Variants in ADGRL3 observed in about 807,000 individuals in gnomAD.
The protein encoded by ADGRL3 is adhesion G protein-coupled receptor L3, also known as calcium-independent alpha-latrotoxin receptor 3.
A neutral mutation model predicts 153.5 loss-of-function variants in ADGRL3; 62 were observed. The observed-to-expected ratio is 0.40, with a 90% CI of 0.33 to 0.50. The LOEUF (loss-of-function observed/expected upper bound fraction) is 0.50, where lower values mean the gene tolerates loss of function less well. ADGRL3 is among the 20% of genes least tolerant of loss of function. ADGRL3 has a pLI of 0.47. For missense variants in ADGRL3, 1,641 were observed against 1,859.4 expected (o/e 0.88, Z 2.16); for synonymous variants, 710 against 672.5 (o/e 1.06, Z -0.86).
rs1270099708 is a variant in ADGRL3 at position 62,075,582 on chromosome 4, T to C, written c.*4674T>C. On this transcript the variant is annotated 3_prime_UTR_variant, in exon 27 of 27. Transcript: ENST00000683033. ...AGGTGTTAAAATTTAATTAGTTCATTTTTAGTAATTCATAATTTTAACTTA... is the reference window on the plus strand; with the variant it reads ...AGGTGTTAAAATTTAATTAGTTCATCTTTAGTAATTCATAATTTTAACTTA... The C allele has an allele frequency of 6.6e-6, 1 of 152,178 alleles. No homozygotes were observed. Among genetic ancestry groups the C allele is most frequent in the African/African-American group, 2.4e-5 (1 of 41,444 alleles). The allele number at this position is 152,178 out of a possible 1,614,324, so 9.4% of individuals were successfully genotyped here. A position where few individuals can be genotyped will look rare whatever the true frequency, so the allele number is the denominator to read the frequency against.
intron 6 of ADGRL3, among the ~76,000 whole-genome samples, chr4:61,704,380 A>G (rs1044051029): frequency 6.6e-6 from 1 of 152,228 alleles, no homozygotes; most frequent in Admixed American, 6.5e-5. Flanking sequence ...TAATGTTTAT[A>G]CTATACTGTA....
At chr4:61,581,653 A>T (rs1212794030) in intron 4 of ADGRL3, among the ~76,000 whole-genome samples, 1 of 152,016 alleles carries the variant, frequency 6.6e-6, no homozygotes, top group Non-Finnish European at 1.5e-5. Context: ...GTGATTTTTA[A>T]GCACTACCTT....
intron 1 of ADGRL3, among the ~76,000 whole-genome samples, chr4:61,285,505 G>T (rs536117193): frequency 1.8e-4 from 27 of 151,688 alleles, no homozygotes; most frequent in African/African-American, 6.5e-4. Flanking sequence ...TATTTTTTTA[G>T]CAGTGTTGCC....
At chr4:61,812,982 T>C (rs1038725285) in intron 8 of ADGRL3, among the ~76,000 whole-genome samples, 6 of 152,222 alleles carry the variant, frequency 3.9e-5, no homozygotes, top group Middle Eastern at 3.2e-3. Context: ...TTAATCATAA[T>C]TGTAAAGTGA....
chr4:61,834,110 C>T (rs547662586), intron 9 of ADGRL3, among the ~76,000 whole-genome samples: 1 of 146,770 alleles, frequency 6.8e-6, no homozygotes, highest in South Asian at 2.3e-4. Flanking sequence ...CCCCCTCCCC[C>T]CTTCCCCCAC....
chr4:61,483,966 T>C (rs905459757), intron 2 of ADGRL3, among the ~76,000 whole-genome samples: 40 of 151,806 alleles, frequency 2.6e-4, no homozygotes, highest in Non-Finnish European at 2.4e-4. Flanking sequence ...ACTTATAATA[T>C]ATTCTGCTCA....
intron 25 of ADGRL3, among the ~76,000 whole-genome samples, chr4:62,057,421 T>G (rs1337830865): frequency 6.6e-6 from 1 of 152,182 alleles, no homozygotes; most frequent in Admixed American, 6.6e-5. Flanking sequence ...AATTTTTGTA[T>G]CAGTCTAGAT....
At chr4:61,541,346 ATTTTTT>A (rs3075146) in intron 4 of ADGRL3, among the ~76,000 whole-genome samples, 9 of 103,338 alleles carry the variant, frequency 8.7e-5, no homozygotes, top group South Asian at 3.7e-4. Context: ...TCTGGTAGAG[ATTTTTT>A]TTTTTTTTTT....
intron 21 of ADGRL3, among the ~76,000 whole-genome samples, chr4:62,012,784 T>C (rs549828014): frequency 6.6e-6 from 1 of 152,318 alleles, no homozygotes; most frequent in African/African-American, 2.4e-5. Flanking sequence ...GATTATGAAC[T>C]ATAAAATCTG....
intron 1 of ADGRL3, among the ~76,000 whole-genome samples, chr4:61,323,576 A>G (rs1001510224): frequency 1.3e-5 from 2 of 152,136 alleles, no homozygotes; most frequent in African/African-American, 4.8e-5. Context: ...ACAAATCTCT[A>G]GGGCAGGGGC....
chr4:61,275,553 A>G (rs2093420283), intron 1 of ADGRL3, among the ~76,000 whole-genome samples: 1 of 152,114 alleles, frequency 6.6e-6, no homozygotes, highest in South Asian at 2.1e-4. Flanking sequence ...GAAATCTCAG[A>G]GTGTCCTGCA....
intron 11 of ADGRL3, among the ~76,000 whole-genome samples, chr4:61,897,110 C>T (rs1361340159): frequency 6.6e-6 from 1 of 152,114 alleles, no homozygotes; most frequent in African/African-American, 2.4e-5. Flanking sequence ...AATCTTAGGA[C>T]AAAAGATAAT....
chr4:61,273,617 C>G (rs1036051784), intron 1 of ADGRL3, among the ~76,000 whole-genome samples: 16 of 152,158 alleles, frequency 1.1e-4, no homozygotes, highest in Admixed American at 2.0e-4. Flanking sequence ...TTTACAAGTG[C>G]TACAGTAAAA....
intron 4 of ADGRL3, among the ~76,000 whole-genome samples, chr4:61,556,345 A>T (rs1406925518): frequency 6.6e-6 from 1 of 152,096 alleles, no homozygotes; most frequent in African/African-American, 2.4e-5. Context: ...AACAAGGAGT[A>T]CAAAAGGCTG....
At chr4:61,263,948 C>T (rs1187468117) in intron 1 of ADGRL3, among the ~76,000 whole-genome samples, 3 of 149,924 alleles carry the variant, frequency 2.0e-5, no homozygotes, top group African/African-American at 4.9e-5. Context: ...TTTGTAATAA[C>T]GGGAAATTAT....
chr4:61,533,942 T>C (rs1579382085), intron 4 of ADGRL3, among the ~76,000 whole-genome samples: 1 of 152,156 alleles, frequency 6.6e-6, no homozygotes, highest in South Asian at 2.1e-4. Context: ...AGGTTTGTTA[T>C]ATGGGTATAT....
intron 1 of ADGRL3, among the ~76,000 whole-genome samples, chr4:61,286,843 A>G (rs2093959545): frequency 6.6e-6 from 1 of 151,794 alleles, no homozygotes; most frequent in Admixed American, 6.6e-5. Context: ...TTCTTTAATA[A>G]TTACAAAATC....
intron 11 of ADGRL3, among the ~76,000 whole-genome samples, chr4:61,908,693 T>A (rs1018299807): frequency 6.6e-6 from 1 of 152,288 alleles, no homozygotes; most frequent in Admixed American, 6.5e-5. Context: ...GTACACTTTT[T>A]ATTTATTTAG....
chr4:61,793,529 TC>T (rs550651747), intron 8 of ADGRL3, among the ~76,000 whole-genome samples: 190 of 152,254 alleles, frequency 1.2e-3, no homozygotes, highest in African/African-American at 4.2e-3. Flanking sequence ...ACTGGGTCCC[TC>T]CCACAGCATG....
Sources: gnomAD v4.1 joint callset for allele counts (sites outside exome capture counted in the v4.1 genomes callset) on GRCh38, gnomAD v4.1.1 for gene constraint, MANE v1.5 for transcripts, NCBI Gene and HGNC (gene_info 2026-07-23, HGNC 2026-07-21) for gene names.